Variants in DENND2B observed in about 807,000 individuals in gnomAD.
DENND2B encodes the protein DENN domain-containing protein 2B.
In DENND2B, 32 loss-of-function variants were observed where a neutral mutation model predicts 116.0. The ratio of observed to expected loss-of-function variants is 0.28; its 90% CI spans 0.21 to 0.37. DENND2B has a LOEUF of 0.37. DENND2B is among the 10% of genes least tolerant of loss of function. The pLI is 1.00. For missense variants in DENND2B, 1,276 were observed against 1,477.7 expected (o/e 0.86, Z 2.24); for synonymous variants, 588 against 583.9 (o/e 1.01, Z -0.10).
intron 17 of DENND2B, 149 bp from the exon 18 acceptor site, chr11:8,696,815 C>T (rs373280167): frequency 7.7e-7 from 1 of 1,295,916 alleles, no homozygotes; most frequent in East Asian, 2.3e-5. Flanking sequence ...CCGAGTTTCA[C>T]TCTTGTTGCC....
At position 8,697,422 on chromosome 11, in the gene DENND2B, A is replaced by C. The variant is rs182002051; in HGVS notation, c.3052+103T>G. On this transcript the variant is annotated intron_variant, in intron 17 of 19. Transcript: ENST00000313726. ...TGAGACCAAGGTCCTCATCAGCCAG[A>C]AAGGGTTTGGTGTGCAGAGGCAGAG... 4.3e-4 allele frequency: 355 copies of C among 832,106 alleles called. 1 individual carries two copies. In the African/African-American group the frequency reaches 5.4e-3, roughly 13 times the overall value. 51.5% of individuals were successfully genotyped at this position (832,106 alleles called of 1,614,324 possible).
chr11:8,738,007 C>T (rs2049408773), intron 2 of DENND2B, among the ~76,000 whole-genome samples: 1 of 152,030 alleles, frequency 6.6e-6, no homozygotes, highest in Admixed American at 6.6e-5. Flanking sequence ...CCTTGGCCTC[C>T]CAAAGTGCTG....
At chr11:8,794,171 A>T (rs1448457182) in intron 1 of DENND2B, among the ~76,000 whole-genome samples, 1 of 152,240 alleles carries the variant, frequency 6.6e-6, no homozygotes, top group African/African-American at 2.4e-5. Context: ...TTAGCCAGAT[A>T]GACGGTTTGA....
At chr11:8,871,359 T>G (rs2063779102) in exon 1 of DENND2B, 1 of 152,234 alleles carries the variant, frequency 6.6e-6, no homozygotes, top group Non-Finnish European at 1.5e-5. Flanking sequence ...CCAAGAGTTG[T>G]CTGGGTCTGG....
At chr11:8,894,449 G>C (rs1248372512) in intron 1 of DENND2B, among the ~76,000 whole-genome samples, 1 of 151,982 alleles carries the variant, frequency 6.6e-6, no homozygotes, top group Non-Finnish European at 1.5e-5. Context: ...ACTACCATCA[G>C]AGTGAACAGG....
At chr11:8,868,302 C>T (rs1181968242) in intron 2 of DENND2B, among the ~76,000 whole-genome samples, 1 of 152,220 alleles carries the variant, frequency 6.6e-6, no homozygotes, top group East Asian at 1.9e-4. Context: ...TTGTGATGAG[C>T]ATGTCACATT....
intron 2 of DENND2B, among the ~76,000 whole-genome samples, chr11:8,865,490 A>G (rs2063543660): frequency 6.6e-6 from 1 of 152,150 alleles, no homozygotes; most frequent in South Asian, 2.1e-4. Context: ...TAAGGAAAAC[A>G]GAGAAAGCTC....
At chr11:8,822,648 C>T (rs761637336) in intron 4 of DENND2B, among the ~76,000 whole-genome samples, 3 of 152,206 alleles carry the variant, frequency 2.0e-5, no homozygotes, top group Non-Finnish European at 4.4e-5. Context: ...TGTACCATCC[C>T]CATGGCTTCT....
At chr11:8,873,422 GCTCT>G (rs2063812743), upstream of DENND2B, among the ~76,000 whole-genome samples, 1 of 152,190 alleles carries the variant, frequency 6.6e-6, no homozygotes, top group Admixed American at 6.5e-5. Flanking sequence ...CATTAGATCT[GCTCT>G]CTCAGAAAGA....
At chr11:8,846,749 C>G (rs1257417255) in intron 3 of DENND2B, among the ~76,000 whole-genome samples, 1 of 152,170 alleles carries the variant, frequency 6.6e-6, no homozygotes, top group Non-Finnish European at 1.5e-5. Flanking sequence ...AGTTCTTCTA[C>G]CTCTAAACCC....
At chr11:8,819,584 T>C (rs1450654025) in intron 4 of DENND2B, among the ~76,000 whole-genome samples, 1 of 152,230 alleles carries the variant, frequency 6.6e-6, no homozygotes, top group African/African-American at 2.4e-5. Flanking sequence ...CGTACCCCGA[T>C]ACCATGTGCT....
chr11:8,893,300 G>A (rs1246952974), intron 1 of DENND2B, among the ~76,000 whole-genome samples: 2 of 152,160 alleles, frequency 1.3e-5, no homozygotes, highest in Admixed American at 1.3e-4. Context: ...CATACTGAAT[G>A]GGCAAAAACT....
chr11:8,704,075 T>C (rs550097042), intron 13 of DENND2B, among the ~76,000 whole-genome samples: 29 of 152,248 alleles, frequency 1.9e-4, no homozygotes, highest in African/African-American at 6.7e-4. Flanking sequence ...CCCCCAGGGA[T>C]TGAGAATTCA....
At chr11:8,870,486 G>A (rs2063739396) in intron 2 of DENND2B, among the ~76,000 whole-genome samples, 1 of 149,766 alleles carries the variant, frequency 6.7e-6, no homozygotes, top group Non-Finnish European at 1.5e-5. Flanking sequence ...AGTTCCGTGT[G>A]TCTGTGTGTG....
In DENND2B at chr11:8,801,994, GGAAAAAAAAAAAA is replaced by G. The variant is rs1394970929; in HGVS notation, c.-26+8510_-26+8522del. Among the ~76,000 whole-genome samples the G allele has an allele frequency of 4.1e-5, 5 of 121,118 alleles. No individual in the cohort carries two copies. The South Asian group carries it at 9.1e-4, about 22-fold the overall frequency. The allele number at this position is 121,118 out of a possible 152,430, so 79.5% of individuals were successfully genotyped here. A position where few individuals can be genotyped will look rare whatever the true frequency, so the allele number is the denominator to read the frequency against. ...GTGACACAGTAAGGCCCTCTCTTGG[GGAAAAAAAAAAAA>G]AAAAAAAAAAGGGCCGGGTGCAGTG... On this transcript the variant is annotated intron_variant, in intron 1 of 19. Coordinates refer to ENST00000313726, the MANE Select transcript of DENND2B (RefSeq NM_213618.2).
rs1331152321 is a variant in DENND2B, at chr11:8,714,827, G to T, written c.1846-121C>A. The T allele has an allele frequency of 7.2e-6, 6 of 830,640 alleles. No homozygotes were observed. In the Admixed American group the frequency reaches 1.3e-4, roughly 18 times the overall value. 51.5% of individuals were successfully genotyped at this position (830,640 alleles called of 1,614,324 possible). ...ACAAGCTTTCTGCATTGCACCCGCT[G>T]GGTCCAGGACTGGTCTAACTGCAGA... On this transcript the variant is annotated intron_variant, in intron 6 of 19. Coordinates refer to ENST00000313726, the MANE Select transcript of DENND2B (RefSeq NM_213618.2).
chr11:8,802,158 G>T (rs895789664), intron 1 of DENND2B, among the ~76,000 whole-genome samples: 1 of 151,818 alleles, frequency 6.6e-6, no homozygotes, highest in African/African-American at 2.4e-5. Flanking sequence ...AAAATTAGCT[G>T]GGTGTGGTGG....
At chr11:8,781,566 T>C (rs570530343) in intron 1 of DENND2B, among the ~76,000 whole-genome samples, 3 of 152,156 alleles carry the variant, frequency 2.0e-5, no homozygotes, top group South Asian at 4.2e-4. Flanking sequence ...TCATATACTG[T>C]TGGATGTTCT....
rs137864640 is a variant in DENND2B at position 8,897,672 on chromosome 11, C to T, written c.-256+13149G>A. On this transcript the variant is annotated intron_variant, in intron 1 of 22. Coordinates refer to the DENND2B transcript ENST00000534127. ...GTCTGGAAGGCTGTGTACAAGGGCACGGTTATGCACATGCCCAGGAGAGAC... is the reference window on the plus strand; with the variant it reads ...GTCTGGAAGGCTGTGTACAAGGGCATGGTTATGCACATGCCCAGGAGAGAC... Among the ~76,000 whole-genome samples, 373 of 152,250 alleles carry T rather than the reference C, an allele frequency of 2.4e-3. 1 individual carries two copies. The highest frequency in any genetic ancestry group is 0.014 in the Middle Eastern group (4 of 294).
Sources: gnomAD v4.1 joint callset for allele counts (sites outside exome capture counted in the v4.1 genomes callset) on GRCh38, gnomAD v4.1.1 for gene constraint, MANE v1.5 for transcripts, NCBI Gene and HGNC (gene_info 2026-07-23, HGNC 2026-07-21) for gene names.